The following RGS17 variants were observed in gnomAD, a reference collection of about 807,000 sequenced individuals.
RGS17 encodes regulator of G protein signaling 17, also known as regulator of G-protein signaling 17.
Under a neutral mutation model 25.5 loss-of-function variants are expected in RGS17, and 12 were observed. That is an observed-to-expected ratio of 0.47 (90% CI 0.30 to 0.76). The LOEUF is 0.76. Ranked by LOEUF, RGS17 falls within the 30% of genes least tolerant of loss-of-function variation. The probability of loss-of-function intolerance (pLI) is 0.07; values close to 1 mark genes in which losing one functional copy is unlikely to be tolerated. For synonymous variants in RGS17, 71 were observed against 76.9 expected (o/e 0.92, Z 0.40); for missense variants, 196 against 242.2 (o/e 0.81, Z 1.27).
At chr6:153,088,179 G>A (rs1777077812) in intron 1 of RGS17, among the ~76,000 whole-genome samples, 1 of 152,110 alleles carries the variant, frequency 6.6e-6, no homozygotes, top group South Asian at 2.1e-4. Flanking sequence ...TTCCCTAGTT[G>A]AGCCTTGAGA....
chr6:153,051,917 C>T (rs1776466237), intron 1 of RGS17, among the ~76,000 whole-genome samples: 1 of 152,126 alleles, frequency 6.6e-6, no homozygotes, highest in Non-Finnish European at 1.5e-5. Context: ...CCAGTTTGAA[C>T]TGAATGGGAA....
chr6:153,118,719 G>A (rs1777577872), intron 1 of RGS17, among the ~76,000 whole-genome samples: 1 of 141,786 alleles, frequency 7.1e-6, no homozygotes, highest in Non-Finnish European at 1.5e-5. Flanking sequence ...AATAGATGAT[G>A]TATAAATCAT....
At chr6:153,083,398 C>T (rs572241003) in intron 1 of RGS17, among the ~76,000 whole-genome samples, 3 of 152,146 alleles carry the variant, frequency 2.0e-5, no homozygotes, top group East Asian at 1.9e-4. Context: ...GGAAAAAAGC[C>T]GAAACAAACC....
intron 2 of RGS17, among the ~76,000 whole-genome samples, chr6:153,026,889 A>T (rs1779308816): frequency 6.6e-6 from 1 of 152,138 alleles, no homozygotes; most frequent in African/African-American, 2.4e-5. Flanking sequence ...CACACATATG[A>T]TTACCTTACT....
chr6:153,050,384 A>C (rs902876362), intron 1 of RGS17, among the ~76,000 whole-genome samples: 5 of 152,224 alleles, frequency 3.3e-5, no homozygotes, highest in African/African-American at 1.2e-4. Flanking sequence ...AATAAGTAAC[A>C]CATTGCAATT....
intron 4 of RGS17, among the ~76,000 whole-genome samples, chr6:153,022,814 T>G (rs1046523631): frequency 6.6e-6 from 1 of 152,198 alleles, no homozygotes; most frequent in Non-Finnish European, 1.5e-5. Flanking sequence ...GAATGCAGTT[T>G]TAAGATGCAG....
intron 2 of RGS17, among the ~76,000 whole-genome samples, chr6:153,030,891 T>C (rs1365463940): frequency 6.6e-6 from 1 of 152,196 alleles, no homozygotes. Context: ...GAACTGTGCA[T>C]ATGGGGTTTC....
At chr6:153,098,945 TG>T (rs1174965363) in intron 1 of RGS17, among the ~76,000 whole-genome samples, 1 of 152,146 alleles carries the variant, frequency 6.6e-6, no homozygotes, top group Non-Finnish European at 1.5e-5. Context: ...AGCAGATTTT[TG>T]GGGTCAATGT....
At chr6:153,061,568 T>C (rs183492471) in intron 1 of RGS17, among the ~76,000 whole-genome samples, 14 of 152,290 alleles carry the variant, frequency 9.2e-5, no homozygotes, top group Admixed American at 3.9e-4. Context: ...TTCCAGAGAC[T>C]GTTTCCCCTA....
intron 4 of RGS17, among the ~76,000 whole-genome samples, chr6:153,021,379 T>A (rs1779246563): frequency 6.6e-6 from 1 of 152,180 alleles, no homozygotes; most frequent in African/African-American, 2.4e-5. Flanking sequence ...AATGGATGAC[T>A]TTTTGCACAG....
chr6:153,053,925 GTA>G (rs200274704), intron 1 of RGS17, among the ~76,000 whole-genome samples: 1,363 of 46,068 alleles, frequency 0.03, 195 homozygotes, highest in African/African-American at 0.16. Context: ...ATATATATAT[GTA>G]TATATATGTA....
Position 153,048,255 on chromosome 6 carries a change from A to G in RGS17, c.-25-4212T>C, listed in dbSNP as rs1776410140. On this transcript the variant is annotated intron_variant, in intron 1 of 4. Transcript: ENST00000206262. The stretch of plus-strand genomic sequence containing the variant: ...CTGAATGAAAAGCCTCATCCTTCTC[A>G]TTTTTCACACCAAAAAATCCTGGAC... Among the ~76,000 whole-genome samples, 4 of 151,950 alleles carry G rather than the reference A, an allele frequency of 2.6e-5. No individual in the cohort carries two copies. In the South Asian group the frequency reaches 8.3e-4, roughly 32 times the overall value.
intron 1 of RGS17, among the ~76,000 whole-genome samples, chr6:153,089,617 A>AT (rs1007875667): frequency 8.2e-4 from 123 of 150,234 alleles, no homozygotes; most frequent in South Asian, 4.2e-3. Flanking sequence ...CGACTTGGTG[A>AT]TTTTTTTTTT....
chr6:153,107,593 T>C (rs1411800216), intron 1 of RGS17, among the ~76,000 whole-genome samples: 1 of 152,134 alleles, frequency 6.6e-6, no homozygotes, highest in Non-Finnish European at 1.5e-5. Flanking sequence ...TATTATATTA[T>C]CTATTATATT....
intron 1 of RGS17, among the ~76,000 whole-genome samples, chr6:153,069,739 C>CGTGT (rs60117149): frequency 0.31 from 43,154 of 140,764 alleles, 6,392 homozygotes; most frequent in East Asian, 0.37. Flanking sequence ...ATATACACCT[C>CGTGT]GTGTGTGTGT....
chr6:153,048,668 C>A (rs2129111434), intron 1 of RGS17, among the ~76,000 whole-genome samples: 1 of 152,316 alleles, frequency 6.6e-6, no homozygotes, highest in Non-Finnish European at 1.5e-5. Context: ...GTGTCAAGAC[C>A]TTTGCACTTG....
At chr6:153,048,346 A>G (rs1776411853) in intron 1 of RGS17, among the ~76,000 whole-genome samples, 1 of 152,104 alleles carries the variant, frequency 6.6e-6, no homozygotes, top group Non-Finnish European at 1.5e-5. Flanking sequence ...GAGACTTCTT[A>G]ACTGGTATCT....
At chr6:153,029,449 G>A (rs1377407782) in intron 2 of RGS17, among the ~76,000 whole-genome samples, 1 of 152,020 alleles carries the variant, frequency 6.6e-6, no homozygotes, top group Non-Finnish European at 1.5e-5. Context: ...GTGCATTGTT[G>A]TTGTTGTTTT....
chr6:153,122,120 G>A (rs1013798890), intron 1 of RGS17, among the ~76,000 whole-genome samples: 2 of 152,064 alleles, frequency 1.3e-5, no homozygotes, highest in African/African-American at 2.4e-5. Flanking sequence ...CAGCCTTCCT[G>A]CTTTTTACTT....
Sources: gnomAD v4.1 joint callset for allele counts (sites outside exome capture counted in the v4.1 genomes callset) on GRCh38, gnomAD v4.1.1 for gene constraint, MANE v1.5 for transcripts, NCBI Gene and HGNC (gene_info 2026-07-23, HGNC 2026-07-21) for gene names.